WASHC5: variants seen among roughly 807,000 people sequenced by gnomAD.
The protein encoded by WASHC5 is WASH complex subunit 5.
Under a neutral mutation model 150.4 loss-of-function variants are expected in WASHC5, and 101 were observed. The observed-to-expected ratio is 0.67, with a 90% confidence interval of 0.57 to 0.79. WASHC5 has a LOEUF of 0.79. Ranked by LOEUF, WASHC5 falls within the 30% of genes least tolerant of loss-of-function variation. The pLI, the probability that WASHC5 is intolerant of heterozygous loss-of-function variation, is 0.00. For missense variants in WASHC5, 1,195 were observed against 1,396.3 expected (o/e 0.86, Z 2.30); for synonymous variants, 467 against 491.2 (o/e 0.95, Z 0.65).
intron 25 of WASHC5, 115 bp downstream of exon 25, chr8:125,038,715 A>T: frequency 1.6e-6 from 2 of 1,232,840 alleles, no homozygotes; most frequent in Non-Finnish European, 2.4e-6. Flanking sequence ...GAATGGAATG[A>T]AGGCTCTGGG....
At position 125,025,833 on chromosome 8, in the gene WASHC5, GAC is replaced by G. The variant is rs34050035; in HGVS notation, c.3424-1162_3424-1161del. Among the ~76,000 whole-genome samples, 943 of 147,924 alleles carry G rather than the reference GAC, an allele frequency of 6.4e-3. 11 individuals carry two copies. Among genetic ancestry groups the G allele is most frequent in the African/African-American group, 0.018 (738 of 39,942 alleles). ...TCCAGTTTACTTACATATGCAGACA[GAC>G]ACACACACACACACACACACACAAT... On this transcript the variant is annotated intron_variant, in intron 28 of 28. Coordinates refer to ENST00000318410, the MANE Select transcript of WASHC5 (RefSeq NM_014846.4).
At chr8:125,041,251 G>A (rs979173344) in intron 23 of WASHC5, among the ~76,000 whole-genome samples, 1 of 152,132 alleles carries the variant, frequency 6.6e-6, no homozygotes, top group African/African-American at 2.4e-5. Context: ...CTGGCAAAGG[G>A]GAGTGAGGGA....
intron 17 of WASHC5, among the ~76,000 whole-genome samples, chr8:125,054,583 C>G (rs1487388921): frequency 6.6e-6 from 1 of 152,112 alleles, no homozygotes; most frequent in African/African-American, 2.4e-5. Flanking sequence ...CCTGTAATCC[C>G]AGCACTTTGG....
At chr8:125,038,204 A>G (rs1362703811) in intron 25 of WASHC5, among the ~76,000 whole-genome samples, 1 of 152,212 alleles carries the variant, frequency 6.6e-6, no homozygotes, top group Non-Finnish European at 1.5e-5. Flanking sequence ...CAGAATTTCA[A>G]ATTTTACAGA....
chr8:125,089,518 T>C (rs1175137043), intron 1 of WASHC5, among the ~76,000 whole-genome samples: 2 of 152,198 alleles, frequency 1.3e-5, no homozygotes, highest in Non-Finnish European at 2.9e-5. Context: ...ACAAGCTTGC[T>C]CTAGACTCAT....
At chr8:125,078,668 G>A (rs1817134022) in intron 6 of WASHC5, 70 bp downstream of exon 6, 1 of 1,238,084 alleles carries the variant, frequency 8.1e-7, no homozygotes, top group African/African-American at 1.5e-5. Flanking sequence ...AAGGAAAGGA[G>A]TAATTAAAGA....
intron 10 of WASHC5, among the ~76,000 whole-genome samples, chr8:125,064,183 T>C (rs1482351695): frequency 2.0e-5 from 3 of 151,964 alleles, no homozygotes; most frequent in Non-Finnish European, 2.9e-5. Flanking sequence ...ATTATACAAG[T>C]AATTGTGTTT....
intron 11 of WASHC5, 144 bp from the exon 12 acceptor site, chr8:125,061,338 A>C: frequency 1.7e-6 from 1 of 595,778 alleles, no homozygotes; most frequent in African/African-American, 1.9e-5. Flanking sequence ...AAACGACAAA[A>C]ATGCCTGGAG....
At chr8:125,090,215 A>C (rs1228901994) in intron 1 of WASHC5, among the ~76,000 whole-genome samples, 1 of 152,200 alleles carries the variant, frequency 6.6e-6, no homozygotes, top group Non-Finnish European at 1.5e-5. Flanking sequence ...TACAAATATA[A>C]TTTGGCTAGA....
chr8:125,064,724 A>G (rs1816698442), intron 10 of WASHC5, among the ~76,000 whole-genome samples: 1 of 152,098 alleles, frequency 6.6e-6, no homozygotes, highest in African/African-American at 2.4e-5. Flanking sequence ...GTAAACAGGC[A>G]TGAACTCTGA....
chr8:125,073,078 G>T, intron 9 of WASHC5, 75 bp downstream of exon 9: 2 of 1,471,632 alleles, frequency 1.4e-6, no homozygotes, highest in African/African-American at 1.4e-5. Context: ...AAACCACTCT[G>T]CATCGTGAAG....
intron 5 of WASHC5, 104 bp downstream of exon 5, chr8:125,081,557 T>C (rs1034950489): frequency 2.5e-6 from 2 of 786,820 alleles, no homozygotes; most frequent in Non-Finnish European, 4.5e-6. Context: ...TACTTTCTTA[T>C]CTATTCTTGG....
chr8:125,033,041 C>T (rs1815586942), intron 26 of WASHC5, among the ~76,000 whole-genome samples: 1 of 151,462 alleles, frequency 6.6e-6, no homozygotes, highest in Non-Finnish European at 1.5e-5. Context: ...CAAGCTGGGA[C>T]TATAGGTGTG....
intron 20 of WASHC5, among the ~76,000 whole-genome samples, chr8:125,046,070 G>C (rs915501168): frequency 2.6e-5 from 4 of 152,152 alleles, no homozygotes; most frequent in Non-Finnish European, 5.9e-5. Flanking sequence ...CAAAATACTG[G>C]ATTAGAAAGA....
intron 4 of WASHC5, 71 bp from the exon 5 acceptor site, chr8:125,081,832 T>A (rs1009476364): frequency 4.1e-5 from 37 of 901,140 alleles, no homozygotes; most frequent in Non-Finnish European, 6.1e-5. Context: ...TCGGTAATCA[T>A]GAAAAATATT....
chr8:125,069,215 A>G lies in WASHC5; in HGVS notation c.1151-1496T>C, dbSNP rs561493377. On this transcript the variant is annotated intron_variant, in intron 9 of 28. Coordinates refer to ENST00000318410, the MANE Select transcript of WASHC5 (RefSeq NM_014846.4). Reference sequence around the variant, plus strand: ...TAAAAGTGAGCTCTCTCTTGCACCCACTATCTTGCCCTTCTGCCTATCTGG... The same window carrying G: ...TAAAAGTGAGCTCTCTCTTGCACCCGCTATCTTGCCCTTCTGCCTATCTGG... Among the ~76,000 whole-genome samples, 7 of 152,282 alleles carry G rather than the reference A, an allele frequency of 4.6e-5. No homozygotes were observed. The South Asian group carries it at 1.5e-3, about 32-fold the overall frequency.
chr8:125,037,320 G>A lies in WASHC5; in HGVS notation c.3098C>T (p.Thr1033Ile). ...HNPLNKIYITTKRLPYFPIVN... is the reference protein window; with the variant it reads ...HNPLNKIYITIKRLPYFPIVN... ...AATTGGAAAATAGGGTAAGCGCTTT[G>A]TTGTTATGTATATCTGGAAAGAGAA... Residue 1033 changes from threonine to isoleucine, a missense_variant, in exon 26 of 29, where the codon ACA becomes ATA. Transcript: ENST00000318410. 1 of 1,603,120 alleles carries A rather than the reference G, an allele frequency of 6.2e-7. No homozygotes were observed. Among genetic ancestry groups the A allele is most frequent in the Non-Finnish European group, 8.5e-7 (1 of 1,170,132 alleles).
intron 17 of WASHC5, 50 bp downstream of exon 17, chr8:125,055,541 A>G (rs774802176): frequency 2.8e-6 from 3 of 1,089,682 alleles, no homozygotes; most frequent in Non-Finnish European, 4.3e-6. Flanking sequence ...CAAAAACCCA[A>G]ACAGCTAAGA....
chr8:125,055,941 C>T (rs1816390945), intron 16 of WASHC5, among the ~76,000 whole-genome samples: 1 of 152,174 alleles, frequency 6.6e-6, no homozygotes, highest in South Asian at 2.1e-4. Flanking sequence ...ATTCAATGAT[C>T]TAGATGGGCC....
Sources: gnomAD v4.1 joint callset for allele counts (sites outside exome capture counted in the v4.1 genomes callset) on GRCh38, gnomAD v4.1.1 for gene constraint, MANE v1.5 for transcripts, NCBI Gene and HGNC (gene_info 2026-07-23, HGNC 2026-07-21) for gene names.